GBE1: variants seen among roughly 807,000 people sequenced by gnomAD.
The protein encoded by GBE1 is 1,4-alpha-glucan branching enzyme 1.
A neutral mutation model predicts 88.8 loss-of-function variants in GBE1; 70 were observed. The observed-to-expected ratio is 0.79, with a 90% CI of 0.65 to 0.96. The LOEUF (loss-of-function observed/expected upper bound fraction) is 0.96. GBE1 is among the 40% of genes least tolerant of loss of function. The pLI is 0.00. For synonymous variants in GBE1, 284 were observed against 300.1 expected (o/e 0.95, Z 0.56); for missense variants, 872 against 871.0 (o/e 1.00, Z -0.01).
At chr3:81,536,886 A>T (rs374518145) in intron 13 of GBE1, 25 bp downstream of exon 13, 1 of 1,548,624 alleles carries the variant, frequency 6.5e-7, no homozygotes, top group Non-Finnish European at 8.7e-7. Context: ...TGACTAAAAC[A>T]CAGCATCCAG....
intron 7 of GBE1, 109 bp from the exon 8 acceptor site, chr3:81,594,132 A>G: frequency 1.9e-6 from 1 of 539,278 alleles, no homozygotes; most frequent in East Asian, 3.3e-5. Context: ...CTCAAGAATC[A>G]TAATGTTCAA....
At chr3:81,514,956 A>G (rs575206312) in intron 14 of GBE1, among the ~76,000 whole-genome samples, 28 of 151,618 alleles carry the variant, frequency 1.8e-4, no homozygotes, top group Non-Finnish European at 3.8e-4. Context: ...TATTTAAAAC[A>G]CACTGGTATC....
At chr3:81,629,823 G>T (rs556589542) in intron 7 of GBE1, among the ~76,000 whole-genome samples, 33 of 152,102 alleles carry the variant, frequency 2.2e-4, no homozygotes, top group African/African-American at 6.8e-4. Context: ...CCATTAACTT[G>T]TCATTTAGCA....
At chr3:81,694,046 C>G (rs549757393) in intron 2 of GBE1, among the ~76,000 whole-genome samples, 66 of 152,266 alleles carry the variant, frequency 4.3e-4, no homozygotes, top group African/African-American at 1.6e-3. Flanking sequence ...AAAGTACCAT[C>G]TTTTTTCCCT....
intron 7 of GBE1, among the ~76,000 whole-genome samples, chr3:81,596,932 CA>C (rs1406649593): frequency 6.6e-6 from 1 of 151,884 alleles, no homozygotes; most frequent in Non-Finnish European, 1.5e-5. Context: ...GAAAGATGTT[CA>C]ATATTATTTC....
At position 81,535,345 on chromosome 3, in the gene GBE1, T is replaced by C. The variant is rs751552216; in HGVS notation, c.1804-20A>G. The C allele has an allele frequency of 8.8e-6, 14 of 1,586,228 alleles. No individual in the cohort carries two copies. Among genetic ancestry groups the C allele is most frequent in the Non-Finnish European group, 1.1e-5 (13 of 1,170,258 alleles). On this transcript the variant is annotated intron_variant, in intron 13 of 15. Coordinates refer to ENST00000429644, the MANE Select transcript of GBE1 (RefSeq NM_000158.4). ...GTAGGCCTGCAAGAATTAGCACACA[T>C]GTTACATTTAAATAATACCTAGATG...
intron 2 of GBE1, among the ~76,000 whole-genome samples, chr3:81,701,674 T>C (rs1202022990): frequency 1.3e-5 from 2 of 152,120 alleles, no homozygotes; most frequent in East Asian, 3.9e-4. Context: ...AACCATTGTT[T>C]AGAGAGCTCA....
At chr3:81,594,834 G>C (rs1432851218) in intron 7 of GBE1, among the ~76,000 whole-genome samples, 1 of 151,928 alleles carries the variant, frequency 6.6e-6, no homozygotes, top group Non-Finnish European at 1.5e-5. Flanking sequence ...ATTTTCTTTA[G>C]TCATATAGTT....
intron 15 of GBE1, among the ~76,000 whole-genome samples, chr3:81,498,616 A>G (rs1328408129): frequency 2.6e-5 from 4 of 152,222 alleles, no homozygotes; most frequent in Admixed American, 1.3e-4. Flanking sequence ...AGAGAATTTT[A>G]TAACTAGAAT....
chr3:81,677,066 T>G (rs1705270462), intron 2 of GBE1, among the ~76,000 whole-genome samples: 1 of 152,220 alleles, frequency 6.6e-6, no homozygotes, highest in South Asian at 2.1e-4. Flanking sequence ...TCCCAAACTC[T>G]TTGATTCACA....
intron 14 of GBE1, among the ~76,000 whole-genome samples, chr3:81,510,145 G>T (rs1026078667): frequency 6.6e-6 from 1 of 151,956 alleles, no homozygotes; most frequent in African/African-American, 2.4e-5. Flanking sequence ...CATCAAAGGG[G>T]TTTGTCAAAA....
intron 10 of GBE1, among the ~76,000 whole-genome samples, chr3:81,584,170 T>C (rs1378443074): frequency 2.6e-5 from 4 of 152,020 alleles, no homozygotes; most frequent in African/African-American, 9.7e-5. Context: ...TAGTCAAATA[T>C]TTGTTCAGTA....
chr3:81,533,097 C>A (rs1703031161), intron 14 of GBE1, among the ~76,000 whole-genome samples: 1 of 152,012 alleles, frequency 6.6e-6, no homozygotes, highest in Admixed American at 6.6e-5. Context: ...GAAAGCGCTG[C>A]AAAGATATAA....
At chr3:81,545,072 C>T (rs1382070289) in intron 12 of GBE1, among the ~76,000 whole-genome samples, 1 of 152,174 alleles carries the variant, frequency 6.6e-6, no homozygotes, top group Admixed American at 6.5e-5. Context: ...GCCTACTCCT[C>T]TTTCCTGTAC....
chr3:81,633,227 G>A (rs1704542400), intron 7 of GBE1, among the ~76,000 whole-genome samples: 1 of 152,196 alleles, frequency 6.6e-6, no homozygotes, highest in South Asian at 2.1e-4. Context: ...ATGATATTGT[G>A]ATGACAGTGA....
chr3:81,659,704 AAAAAAAAGAAATAACTCAACCCCT>A (rs1198373146), intron 3 of GBE1, among the ~76,000 whole-genome samples: 4 of 146,472 alleles, frequency 2.7e-5, no homozygotes, highest in Non-Finnish European at 6.1e-5. Flanking sequence ...GCATGGAGGG[AAAAAAAAGAAATAACTCAACCCCT>A]AAAAGAAATC....
chr3:81,750,016 T>C (rs1706473596), intron 1 of GBE1, among the ~76,000 whole-genome samples: 1 of 152,152 alleles, frequency 6.6e-6, no homozygotes, highest in South Asian at 2.1e-4. Flanking sequence ...TAAAGGCACT[T>C]TGGAGAAGTA....
At chr3:81,714,653 T>C (rs115407854) in intron 1 of GBE1, among the ~76,000 whole-genome samples, 251 of 152,326 alleles carry the variant, frequency 1.6e-3, no homozygotes, top group African/African-American at 5.8e-3. Context: ...AGGTTGTGGC[T>C]TGCAAGCAGC....
chr3:81,586,416 T>C (rs1703803834), intron 9 of GBE1, among the ~76,000 whole-genome samples: 2 of 152,212 alleles, frequency 1.3e-5, no homozygotes, highest in Non-Finnish European at 2.9e-5. Flanking sequence ...ATTTATTTCT[T>C]TTCTTCAGTA....
Sources: gnomAD v4.1 joint callset for allele counts (sites outside exome capture counted in the v4.1 genomes callset) on GRCh38, gnomAD v4.1.1 for gene constraint, MANE v1.5 for transcripts, NCBI Gene and HGNC (gene_info 2026-07-23, HGNC 2026-07-21) for gene names.